The following SFSWAP variants were observed in gnomAD, a reference collection of about 807,000 sequenced individuals.
SFSWAP encodes the protein splicing factor, suppressor of white-apricot homolog.
Under a neutral mutation model 100.7 loss-of-function variants are expected in SFSWAP, and 17 were observed. That is an observed-to-expected ratio of 0.17 (90% CI 0.12 to 0.25). The LOEUF is 0.25. Among genes scored for constraint, SFSWAP ranks in the 10% least tolerant of loss-of-function variants. The probability of loss-of-function intolerance (pLI) is 1.00; values close to 1 mark genes in which losing one functional copy is unlikely to be tolerated. For missense variants in SFSWAP, 1,005 were observed against 1,262.6 expected, an observed-to-expected ratio of 0.80 and a Z score of 3.09; for synonymous variants, 504 against 510.1, an observed-to-expected ratio of 0.99 and a Z score of 0.16.
intron 14 of SFSWAP, chr12:131,785,407 T>C (rs1884821732): frequency 5.7e-6 from 3 of 523,002 alleles, no homozygotes; most frequent in South Asian, 3.1e-5. Context: ...CGGTTTATTG[T>C]CATGAAAATG....
chr12:131,789,805 G>A (rs190967223), intron 15 of SFSWAP, among the ~76,000 whole-genome samples: 6 of 152,314 alleles, frequency 3.9e-5, no homozygotes, highest in South Asian at 2.1e-4. Flanking sequence ...TTTTGGCTGC[G>A]TAGGCGACAT....
At chr12:131,754,302 G>T in intron 8 of SFSWAP, 66 bp from the exon 9 acceptor site, 1 of 1,347,550 alleles carries the variant, frequency 7.4e-7, no homozygotes, top group Non-Finnish European at 9.8e-7. Context: ...GAGGACCCCC[G>T]AGCAGCCAGG....
In SFSWAP at chr12:131,778,808, G is replaced by A. The variant is rs1252315188; in HGVS notation, c.2408+478G>A. ...GCTGGGATTACAGGCCTAAGCCACC[G>A]CGCAGGCCTATACTTAACTTTTCAA... On this transcript the variant is annotated intron_variant, in intron 14 of 17. Transcript: ENST00000261674. The surrounding 1 kb of genome is among the most constrained non-coding windows in gnomAD (Gnocchi z 4.2). Among the ~76,000 whole-genome samples, 3 of 152,028 alleles carry A rather than the reference G, an allele frequency of 2.0e-5. No homozygotes were observed. Among genetic ancestry groups the A allele is most frequent in the African/African-American group, 7.2e-5 (3 of 41,424 alleles).
intron 7 of SFSWAP, among the ~76,000 whole-genome samples, chr12:131,736,541 C>CT (rs1880036075): frequency 6.6e-6 from 1 of 152,098 alleles, no homozygotes; most frequent in Non-Finnish European, 1.5e-5. Flanking sequence ...TTTTTAAAGA[C>CT]TCACCCTCAC....
intron 7 of SFSWAP, among the ~76,000 whole-genome samples, chr12:131,752,695 C>T (rs991105244): frequency 1.3e-5 from 2 of 152,174 alleles, no homozygotes; most frequent in African/African-American, 4.8e-5. Context: ...CAGGTGTCAG[C>T]GCGGGGAGCT....
chr12:131,797,268 A>G lies in SFSWAP; in HGVS notation c.2625A>G (p.Ala875=). 19 of 1,612,568 alleles carry G rather than the reference A, an allele frequency of 1.2e-5. No homozygotes were observed. Among genetic ancestry groups the G allele is most frequent in the Non-Finnish European group, 1.6e-5 (19 of 1,179,734 alleles). The change falls in exon 16 of 18, where the codon GCA becomes GCG. Residue 875 remains alanine, a synonymous_variant. Coordinates refer to ENST00000261674, the MANE Select transcript of SFSWAP (RefSeq NM_004592.4). ...AGTCGGTGTCACCCAGCAAGCAGGCAGCGCCCCGGCCCGCGGCCCCCGCGG... is the reference window on the plus strand; with the variant it reads ...AGTCGGTGTCACCCAGCAAGCAGGCGGCGCCCCGGCCCGCGGCCCCCGCGG... ...RSQSVSPSKQ[A]APRPAAPAAH...
intron 15 of SFSWAP, among the ~76,000 whole-genome samples, chr12:131,795,113 G>A (rs909931057): frequency 6.6e-6 from 1 of 152,188 alleles, no homozygotes; most frequent in East Asian, 1.9e-4. Context: ...TCCCACATGC[G>A]TGTGTTGAAC....
intron 15 of SFSWAP, among the ~76,000 whole-genome samples, chr12:131,788,091 G>T (rs190663162): frequency 6.6e-6 from 1 of 152,352 alleles, no homozygotes; most frequent in East Asian, 1.9e-4. Flanking sequence ...TTTGGTATAT[G>T]TGAAGGGCAT....
At chr12:131,797,557 G>C (rs1593202461) in intron 16 of SFSWAP, among the ~76,000 whole-genome samples, 197 bp downstream of exon 16, 1 of 152,374 alleles carries the variant, frequency 6.6e-6, no homozygotes, top group African/African-American at 2.4e-5. Context: ...GCGCTCAGAG[G>C]AGCAGGTCCT....
intron 13 of SFSWAP, among the ~76,000 whole-genome samples, chr12:131,776,660 C>T (rs549648056): frequency 5.9e-5 from 9 of 152,352 alleles, no homozygotes; most frequent in African/African-American, 1.4e-4. Flanking sequence ...CACACTGCCG[C>T]GGGCTGGGCT....
chr12:131,735,417 G>A (rs143221939), intron 7 of SFSWAP, among the ~76,000 whole-genome samples: 62 of 152,322 alleles, frequency 4.1e-4, no homozygotes, highest in Non-Finnish European at 7.9e-4. Flanking sequence ...TTCTGAATGG[G>A]ACACCAGTTA....
intron 4 of SFSWAP, among the ~76,000 whole-genome samples, chr12:131,720,970 C>T (rs1405217770): frequency 6.6e-6 from 1 of 152,174 alleles, no homozygotes; most frequent in African/African-American, 2.4e-5. Flanking sequence ...GCAGGCTGTA[C>T]AGGAAGCCGG....
At chr12:131,782,841 C>T (rs1040833610) in intron 14 of SFSWAP, among the ~76,000 whole-genome samples, 4 of 152,072 alleles carry the variant, frequency 2.6e-5, no homozygotes, top group Admixed American at 1.3e-4. Context: ...TATGTTGCTT[C>T]TCAAAAAGTA....
At chr12:131,749,577 T>C (rs1386061307) in intron 7 of SFSWAP, among the ~76,000 whole-genome samples, 1 of 152,242 alleles carries the variant, frequency 6.6e-6, no homozygotes, top group African/African-American at 2.4e-5. Flanking sequence ...AGGGCTTCAG[T>C]CCAGTTAAAG....
chr12:131,785,209 A>G, intron 14 of SFSWAP: 1 of 1,535,468 alleles, frequency 6.5e-7, no homozygotes, highest in African/African-American at 1.4e-5. Flanking sequence ...TTTTGAGGGA[A>G]AACCTGGTAA....
rs1302972039 is a variant in SFSWAP, at chr12:131,786,490, A to G, written c.2436A>G (p.Arg812=). The change falls in exon 15 of 18, where the codon AGA becomes AGG. Residue 812 remains arginine (R), a synonymous_variant. Coordinates refer to ENST00000261674, the MANE Select transcript of SFSWAP (RefSeq NM_004592.4). ...SRSRSRSPRR[R]AHSPERRREE... ...CCCGCTCCCGGTCCCCTCGGAGGAG[A>G]GCCCACTCCCCTGAGAGACGGAGGG... 1.3e-6 allele frequency: 2 copies of G among 1,586,854 alleles called. No homozygotes were observed. The highest frequency in any genetic ancestry group is 3.6e-5 in the Admixed American group (2 of 56,014).
intron 11 of SFSWAP, among the ~76,000 whole-genome samples, chr12:131,758,442 C>A (rs189209885): frequency 2.0e-5 from 3 of 152,324 alleles, no homozygotes; most frequent in Admixed American, 2.0e-4. Flanking sequence ...AGGCCAGCCT[C>A]TCTTTGAAAA....
chr12:131,739,070 G>T (rs1052219639), intron 7 of SFSWAP, among the ~76,000 whole-genome samples: 1 of 151,268 alleles, frequency 6.6e-6, no homozygotes, highest in Non-Finnish European at 1.5e-5. Flanking sequence ...TTTTTAGAGG[G>T]TCTTGCTATG....
intron 15 of SFSWAP, among the ~76,000 whole-genome samples, chr12:131,789,271 C>T (rs1885093659): frequency 6.6e-6 from 1 of 152,210 alleles, no homozygotes; most frequent in Non-Finnish European, 1.5e-5. Context: ...CCATGCCCGG[C>T]CCTGAAGGGT....
Sources: gnomAD v4.1 joint callset for allele counts (sites outside exome capture counted in the v4.1 genomes callset) on GRCh38, gnomAD v4.1.1 for gene constraint, Gnocchi (gnomAD v3.1) non-coding constraint, MANE v1.5 for transcripts, NCBI Gene and HGNC (gene_info 2026-07-23, HGNC 2026-07-21) for gene names.